Variants in ZFHX3 observed in about 807,000 individuals in gnomAD.
ZFHX3 encodes the protein zinc finger homeobox protein 3.
In ZFHX3, 42 loss-of-function variants were observed where a neutral mutation model predicts 279.1. That is an observed-to-expected ratio of 0.15 (90% CI 0.12 to 0.19). ZFHX3 has a LOEUF of 0.19. Ranked by LOEUF, ZFHX3 falls within the 10% of genes least tolerant of loss-of-function variation. ZFHX3 has a pLI of 1.00. For missense variants in ZFHX3, 4,981 were observed against 4,754.0 expected (o/e 1.05, Z -1.40); for synonymous variants, 2,293 against 1,957.8 (o/e 1.17, Z -4.52).
Position 72,787,044 on chromosome 16 carries a change from T to TG in ZFHX3, c.*119_*120insC. On this transcript the variant is annotated 3_prime_UTR_variant, in exon 10 of 10. Transcript: ENST00000268489. ...CCACGCTTTTTCTTTTTTTTCTTTT[T>TG]TTTTTTTTTTTTGTTTTTTGGTTAG... The TG allele has an allele frequency of 4.0e-6, 4 of 999,204 alleles. No individual in the cohort carries two copies. Among genetic ancestry groups the TG allele is most frequent in the Non-Finnish European group, 5.1e-6 (4 of 790,116 alleles). The allele number at this position is 999,204 out of a possible 1,614,324, so 61.9% of individuals were successfully genotyped here.
intron 4 of ZFHX3, among the ~76,000 whole-genome samples, chr16:72,865,779 G>A (rs114340869): frequency 0.032 from 4,860 of 152,214 alleles, 274 homozygotes; most frequent in African/African-American, 0.11. Context: ...CAAGGCTTCT[G>A]TATCCACAGA....
chr16:73,010,228 G>A (rs1416969165), intron 1 of ZFHX3, among the ~76,000 whole-genome samples: 1 of 152,104 alleles, frequency 6.6e-6, no homozygotes, highest in African/African-American at 2.4e-5. Flanking sequence ...CTAGGAGCCT[G>A]GCACAGAATG....
chr16:73,708,218 C>G (rs371333629), intron 1 of ZFHX3, among the ~76,000 whole-genome samples: 1 of 152,054 alleles, frequency 6.6e-6, no homozygotes, highest in Non-Finnish European at 1.5e-5. Flanking sequence ...TTGAAGTCTC[C>G]GTTTTATCAA....
intron 2 of ZFHX3, among the ~76,000 whole-genome samples, chr16:72,953,269 G>A (rs566787817): frequency 6.7e-6 from 1 of 149,416 alleles, no homozygotes; most frequent in Non-Finnish European, 1.5e-5. Context: ...ATTCTTTTTA[G>A]GATAAGAAAG....
At chr16:73,747,038 G>A (rs1253373517) in intron 1 of ZFHX3, among the ~76,000 whole-genome samples, 3 of 152,178 alleles carry the variant, frequency 2.0e-5, no homozygotes, top group Admixed American at 6.6e-5. Flanking sequence ...TCACAAATGA[G>A]TTTGTCCAAG....
chr16:73,106,852 C>T (rs1966311658), intron 7 of ZFHX3, among the ~76,000 whole-genome samples: 1 of 152,164 alleles, frequency 6.6e-6, no homozygotes, highest in Non-Finnish European at 1.5e-5. Flanking sequence ...AGTTATGCAA[C>T]AATGCACTTG....
chr16:73,251,146 A>G (rs1300535834), intron 5 of ZFHX3, among the ~76,000 whole-genome samples: 2 of 152,234 alleles, frequency 1.3e-5, no homozygotes, highest in Non-Finnish European at 2.9e-5. Context: ...TACCAGGAAT[A>G]ATGTAGACTC....
chr16:73,510,472 A>C (rs987350137), intron 2 of ZFHX3, among the ~76,000 whole-genome samples: 1 of 152,214 alleles, frequency 6.6e-6, no homozygotes, highest in Admixed American at 6.5e-5. Flanking sequence ...CATCAATCAA[A>C]TCACATATCC....
chr16:73,498,232 T>C (rs868145136), intron 2 of ZFHX3, among the ~76,000 whole-genome samples: 1 of 152,316 alleles, frequency 6.6e-6, no homozygotes, highest in Middle Eastern at 3.4e-3. Flanking sequence ...AAACTTAAAA[T>C]ATGCAAAATA....
intron 3 of ZFHX3, among the ~76,000 whole-genome samples, chr16:73,415,387 G>A (rs1456072691): frequency 6.6e-6 from 1 of 152,120 alleles, no homozygotes; most frequent in Non-Finnish European, 1.5e-5. Flanking sequence ...TTTACATCCA[G>A]TATAATTCTG....
intron 5 of ZFHX3, among the ~76,000 whole-genome samples, chr16:73,224,039 T>G (rs1317910399): frequency 6.6e-6 from 1 of 151,972 alleles, no homozygotes; most frequent in Non-Finnish European, 1.5e-5. Flanking sequence ...GAGGGATGAG[T>G]AGGCAGGGCA....
chr16:73,419,550 G>C (rs1207364361), intron 3 of ZFHX3, among the ~76,000 whole-genome samples: 1 of 151,940 alleles, frequency 6.6e-6, no homozygotes, highest in Non-Finnish European at 1.5e-5. Flanking sequence ...CGTAAGGCTG[G>C]GGCTCTCTTA....
intron 1 of ZFHX3, among the ~76,000 whole-genome samples, chr16:73,782,896 T>G (rs1179191624): frequency 6.6e-6 from 1 of 152,178 alleles, no homozygotes; most frequent in Non-Finnish European, 1.5e-5. Flanking sequence ...TTCTGCAAAT[T>G]GGGAGTTAAT....
intron 1 of ZFHX3, among the ~76,000 whole-genome samples, chr16:73,763,444 C>G (rs1053969156): frequency 6.6e-6 from 1 of 152,168 alleles, no homozygotes; most frequent in African/African-American, 2.4e-5. Context: ...TTCTGCCAAG[C>G]AGGAAGGAAA....
chr16:72,929,476 A>T (rs747994620), intron 3 of ZFHX3, among the ~76,000 whole-genome samples: 9 of 152,212 alleles, frequency 5.9e-5, no homozygotes, highest in Non-Finnish European at 1.0e-4. Context: ...AGCCAAGTTT[A>T]ATCTTTTCAT....
At chr16:73,173,453 C>T (rs899891165) in intron 5 of ZFHX3, among the ~76,000 whole-genome samples, 2 of 151,150 alleles carry the variant, frequency 1.3e-5, no homozygotes, top group African/African-American at 4.9e-5. Context: ...GAAGGCCACA[C>T]CCAGGGAGTC....
chr16:73,011,091 C>T (rs976069880), intron 1 of ZFHX3, among the ~76,000 whole-genome samples: 1 of 152,170 alleles, frequency 6.6e-6, no homozygotes, highest in African/African-American at 2.4e-5. Context: ...AAGCGATTCT[C>T]CCACCTCAGC....
chr16:73,562,823 T>G (rs2020391662), intron 2 of ZFHX3, among the ~76,000 whole-genome samples: 1 of 152,192 alleles, frequency 6.6e-6, no homozygotes, highest in Non-Finnish European at 1.5e-5. Context: ...TCCTATTTAT[T>G]AGTGGTGAAA....
intron 1 of ZFHX3, among the ~76,000 whole-genome samples, chr16:73,728,385 C>A (rs1427518915): frequency 6.6e-6 from 1 of 152,150 alleles, no homozygotes; most frequent in African/African-American, 2.4e-5. Flanking sequence ...TGGCAACTGG[C>A]ACTAACTAAT....
Sources: allele counts gnomAD v4.1 joint callset (sites outside exome capture counted in the v4.1 genomes callset), GRCh38; gene constraint gnomAD v4.1.1; transcripts MANE v1.5; gene names NCBI Gene and HGNC (gene_info 2026-07-23, HGNC 2026-07-21).